The following TMEM132D variants were observed in gnomAD, a reference collection of about 807,000 sequenced individuals.
TMEM132D encodes transmembrane protein 132D.
In TMEM132D, 21 loss-of-function variants were observed where a neutral mutation model predicts 62.3. That is an observed-to-expected ratio of 0.34 (90% confidence interval 0.24 to 0.49). TMEM132D has a LOEUF of 0.49. Ranked by LOEUF, TMEM132D falls within the 20% of genes least tolerant of loss-of-function variation. The probability of loss-of-function intolerance (pLI) is 0.99; values close to 1 mark genes in which losing one functional copy is unlikely to be tolerated. For missense variants in TMEM132D, 1,346 were observed against 1,402.8 expected (o/e 0.96, Z 0.65); for synonymous variants, 621 against 575.6 (o/e 1.08, Z -1.13).
intron 2 of TMEM132D, among the ~76,000 whole-genome samples, chr12:129,621,407 CAT>C (rs1879063341): frequency 2.0e-5 from 3 of 152,174 alleles, no homozygotes; most frequent in African/African-American, 7.2e-5. Context: ...CCCACTGCCA[CAT>C]GTTGTCTATT....
intron 4 of TMEM132D, among the ~76,000 whole-genome samples, chr12:129,299,180 G>C (rs781645752): frequency 6.6e-6 from 1 of 152,158 alleles, no homozygotes; most frequent in Non-Finnish European, 1.5e-5. Context: ...CGGGAGATAG[G>C]TTATTTTGTT....
intron 5 of TMEM132D, among the ~76,000 whole-genome samples, chr12:129,189,349 T>C (rs575029401): frequency 2.6e-5 from 4 of 152,152 alleles, no homozygotes; most frequent in Non-Finnish European, 5.9e-5. Context: ...GACAGGCTGA[T>C]GGGAAAGCTC....
chr12:129,527,432 T>C (rs1876081080), intron 3 of TMEM132D, among the ~76,000 whole-genome samples: 1 of 152,238 alleles, frequency 6.6e-6, no homozygotes, highest in Non-Finnish European at 1.5e-5. Flanking sequence ...TTTATCTACA[T>C]ACTCTTGCCT....
Position 129,687,794 on chromosome 12 carries a change from A to C in TMEM132D, c.968+12016T>G, listed in dbSNP as rs139799358. 3.3e-3 allele frequency among the ~76,000 whole-genome samples: 497 copies of C among 152,114 alleles called. 5 individuals are homozygous for C. The highest frequency in any genetic ancestry group is 0.011 in the African/African-American group (466 of 41,500). On this transcript the variant is annotated intron_variant, in intron 2 of 8. Transcript: ENST00000422113. ...CATCTTCTTCCCAGCCTTTCTACTC[A>C]TCTCTGGAACCCCCAAGAGCCTGCC... is the stretch of plus-strand genomic sequence containing the variant.
At chr12:129,504,173 T>C (rs554682342) in intron 3 of TMEM132D, among the ~76,000 whole-genome samples, 2 of 151,902 alleles carry the variant, frequency 1.3e-5, no homozygotes, top group Non-Finnish European at 2.9e-5. Flanking sequence ...ATCACCATCA[T>C]CATCATCCTG....
chr12:129,693,437 G>A (rs937335208), intron 2 of TMEM132D, among the ~76,000 whole-genome samples: 2 of 152,166 alleles, frequency 1.3e-5, no homozygotes, highest in East Asian at 3.9e-4. Context: ...TGCCCTCAAG[G>A]GGGTGAAGTA....
chr12:129,534,283 G>A lies in TMEM132D; in HGVS notation c.969-3078C>T, dbSNP rs1876316764. The stretch of plus-strand genomic sequence containing the variant: ...TATGCTTAATAATATATCTACCATG[G>A]TGATGGGGGAAAGCCATAATTTTCC... On this transcript the variant is annotated intron_variant, in intron 2 of 8. Transcript: ENST00000422113. Among the ~76,000 whole-genome samples the A allele has an allele frequency of 2.0e-5, 3 of 152,142 alleles. No homozygotes were observed. In the South Asian group the frequency reaches 6.2e-4, roughly 32 times the overall value.
At chr12:129,127,437 G>A (rs1373989402) in intron 5 of TMEM132D, among the ~76,000 whole-genome samples, 7 of 152,028 alleles carry the variant, frequency 4.6e-5, no homozygotes, top group African/African-American at 7.3e-5. Flanking sequence ...ACCGCCCCTC[G>A]CTTCCGGCAG....
At chr12:129,871,052 C>T (rs1034916454) in intron 1 of TMEM132D, among the ~76,000 whole-genome samples, 16 of 152,146 alleles carry the variant, frequency 1.1e-4, no homozygotes, top group Non-Finnish European at 1.8e-4. Flanking sequence ...AAATCCTGGT[C>T]CTGTGAAATG....
intron 3 of TMEM132D, among the ~76,000 whole-genome samples, chr12:129,519,811 G>C (rs1460253167): frequency 1.3e-5 from 2 of 151,966 alleles, no homozygotes; most frequent in Non-Finnish European, 2.9e-5. Context: ...GTTTTACCAT[G>C]TTGGCCAGGC....
chr12:129,172,671 C>G lies in TMEM132D; in HGVS notation c.1443+36849G>C, dbSNP rs576831692. ...TTGGCTCACTGCAACCTCTGCCTCC[C>G]GGGTTCAAGTGATTCTCCTGCCTCA... On this transcript the variant is annotated intron_variant, in intron 5 of 8. Coordinates refer to ENST00000422113, the MANE Select transcript of TMEM132D (RefSeq NM_133448.3). Among the ~76,000 whole-genome samples, 45 of 152,260 alleles carry G rather than the reference C, an allele frequency of 3.0e-4. No individual in the cohort carries two copies. In the South Asian group the frequency reaches 9.3e-3, roughly 32 times the overall value.
chr12:129,259,372 C>T (rs1880492578), intron 4 of TMEM132D, among the ~76,000 whole-genome samples: 1 of 152,024 alleles, frequency 6.6e-6, no homozygotes, highest in Admixed American at 6.5e-5. Context: ...GAACTTGTTC[C>T]AGGCAAGGGA....
rs146929181 is a variant in TMEM132D, at chr12:129,779,904, G to A, written c.80-79206C>T. ...GAAGCACATTACTATTTTTACCAAC[G>A]TGCTTTTACGCATTGACTCCAGAAA... On this transcript the variant is annotated intron_variant, in intron 1 of 8. Transcript: ENST00000422113. This position sits in a 1 kb window ranked among gnomAD's most constrained non-coding sequence, Gnocchi z 4.1. 2.4e-3 allele frequency among the ~76,000 whole-genome samples: 363 copies of A among 152,070 alleles called. 1 individual carries two copies. Among genetic ancestry groups the A allele is most frequent in the African/African-American group, 8.3e-3 (344 of 41,486 alleles).
intron 2 of TMEM132D, among the ~76,000 whole-genome samples, chr12:129,670,919 A>G (rs1401559827): frequency 6.6e-6 from 1 of 152,206 alleles, no homozygotes; most frequent in Admixed American, 6.5e-5. Context: ...CAGGGAGGAT[A>G]TACATATTTA....
chr12:129,863,475 G>C (rs1226417462), intron 1 of TMEM132D, among the ~76,000 whole-genome samples: 1 of 152,098 alleles, frequency 6.6e-6, no homozygotes, highest in Non-Finnish European at 1.5e-5. Flanking sequence ...GAAGAATTCT[G>C]TTTTTTCATA....
At chr12:129,727,871 A>G (rs1869093390) in intron 1 of TMEM132D, among the ~76,000 whole-genome samples, 1 of 152,146 alleles carries the variant, frequency 6.6e-6, no homozygotes. Flanking sequence ...AAAGCAAGGA[A>G]AAAAGAGACC....
intron 4 of TMEM132D, 178 bp from the exon 5 acceptor site, chr12:129,209,841 T>C (rs1407543231): frequency 1.3e-6 from 1 of 783,346 alleles, no homozygotes; most frequent in African/African-American, 1.7e-5. Context: ...GATAATGTTC[T>C]GTCCTCACCC....
intron 5 of TMEM132D, among the ~76,000 whole-genome samples, chr12:129,158,815 A>T (rs1313959907): frequency 6.6e-6 from 1 of 152,224 alleles, no homozygotes; most frequent in African/African-American, 2.4e-5. Flanking sequence ...TAAACAAAAG[A>T]GGTTTAATTG....
intron 4 of TMEM132D, among the ~76,000 whole-genome samples, chr12:129,283,806 C>T (rs1881222708): frequency 1.3e-5 from 2 of 152,168 alleles, no homozygotes; most frequent in Non-Finnish European, 2.9e-5. Context: ...TGACACTGTG[C>T]CTCTGGTGGA....
Sources: gnomAD v4.1 joint callset for allele counts (sites outside exome capture counted in the v4.1 genomes callset) on GRCh38, gnomAD v4.1.1 for gene constraint, Gnocchi (gnomAD v3.1) non-coding constraint, MANE v1.5 for transcripts, NCBI Gene and HGNC (gene_info 2026-07-23, HGNC 2026-07-21) for gene names.